Variants in KPNA4 observed in about 807,000 individuals in gnomAD.
The protein encoded by KPNA4 is karyopherin subunit alpha 4, also known as importin subunit alpha-3.
Under a neutral mutation model 71.3 loss-of-function variants are expected in KPNA4, and 13 were observed. That is an observed-to-expected ratio of 0.18 (90% CI 0.12 to 0.29). The LOEUF (loss-of-function observed/expected upper bound fraction) is 0.29, where lower values mean the gene tolerates loss of function less well. KPNA4 is among the 10% of genes least tolerant of loss of function. KPNA4 has a pLI of 1.00. For synonymous variants in KPNA4, 189 were observed against 195.2 expected, an observed-to-expected ratio of 0.97 and a Z score of 0.26; for missense variants, 334 against 603.2, an observed-to-expected ratio of 0.55 and a Z score of 4.67.
intron 1 of KPNA4, chr3:160,564,451 T>A (rs1722300216): frequency 6.6e-6 from 1 of 152,186 alleles, no homozygotes; most frequent in Non-Finnish European, 1.5e-5. Flanking sequence ...TGGTCTCCTC[T>A]CAGGAGGGGG....
Position 160,508,102 on chromosome 3 carries a change from C to A in KPNA4, c.1372+5G>T. 2 of 1,592,142 alleles carry A rather than the reference C, an allele frequency of 1.3e-6. No individual in the cohort carries two copies. Among genetic ancestry groups the A allele is most frequent in the Non-Finnish European group, 8.5e-7 (1 of 1,171,002 alleles). ...ATGTGGAATAAGAGCTTATAATAAA[C>A]TTACCTCCACATTCTTCTATAAGAT... On this transcript the variant is annotated splice_donor_5th_base_variant and intron_variant, in intron 15 of 16. Transcript: ENST00000334256.
Position 160,501,502 on chromosome 3 carries a change from CA to C in KPNA4, c.*601del, listed in dbSNP as rs1560042434. ...AAGGTGAATCAAGCTTGCATGCGTT[CA>C]CATACAGCACCACAACCACGCTCTC... On this transcript the variant is annotated 3_prime_UTR_variant, in exon 17 of 17. Transcript: ENST00000334256. The C allele has an allele frequency of 6.6e-6, 1 of 152,622 alleles. No individual in the cohort carries two copies. The highest frequency in any genetic ancestry group is 2.4e-5 in the African/African-American group (1 of 41,436). The allele number at this position is 152,622 out of a possible 1,614,324, so 9.5% of individuals were successfully genotyped here.
At chr3:160,516,636 G>C (rs1480714364) in intron 11 of KPNA4, among the ~76,000 whole-genome samples, 1 of 151,908 alleles carries the variant, frequency 6.6e-6, no homozygotes, top group African/African-American at 2.4e-5. Flanking sequence ...GCTGGGTGTG[G>C]TGGCACGAGC....
intron 1 of KPNA4, among the ~76,000 whole-genome samples, chr3:160,545,167 T>C (rs746532479): frequency 8.5e-5 from 13 of 152,392 alleles, no homozygotes; most frequent in Non-Finnish European, 1.8e-4. Flanking sequence ...GTGTTTACTT[T>C]CAAAATATTC....
intron 7 of KPNA4, 60 bp downstream of exon 7, chr3:160,530,795 T>C (rs1043657598): frequency 8.5e-7 from 1 of 1,172,520 alleles, no homozygotes; most frequent in African/African-American, 1.5e-5. Context: ...GGAAGATCAC[T>C]ATTTTTTACC....
chr3:160,537,695 ACAC>A lies in KPNA4; in HGVS notation c.70-858_70-856del, dbSNP rs1260094517. On this transcript the variant is annotated intron_variant, in intron 1 of 16. Transcript: ENST00000334256. ...CAAAACTGAACTTTTGATCTTTAAT[ACAC>A]TCCACCTGCCATCTCAGCAAATGGC... Among the ~76,000 whole-genome samples, 7 of 150,700 alleles carry A rather than the reference ACAC, an allele frequency of 4.6e-5. No homozygotes were observed. The East Asian group carries it at 1.4e-3, about 29-fold the overall frequency.
chr3:160,549,114 C>T (rs987316028), intron 1 of KPNA4, among the ~76,000 whole-genome samples: 11 of 152,242 alleles, frequency 7.2e-5, no homozygotes, highest in Middle Eastern at 3.4e-3. Context: ...AAGCCTTTTG[C>T]GCATTTTAAA....
At chr3:160,536,076 G>A (rs181023455) in intron 2 of KPNA4, among the ~76,000 whole-genome samples, 179 bp from the exon 3 acceptor site, 26 of 151,996 alleles carry the variant, frequency 1.7e-4, no homozygotes, top group Admixed American at 1.1e-3. Flanking sequence ...AACCACTCAC[G>A]CAACACTAAT....
rs1394677093 is a variant in KPNA4 at position 160,519,767 on chromosome 3, A to G, written c.903+2012T>C. 2.1e-5 allele frequency among the ~76,000 whole-genome samples: 3 copies of G among 142,262 alleles called. No individual in the cohort carries two copies. The Admixed American group carries it at 2.2e-4, about 10-fold the overall frequency. The allele number at this position is 142,262 out of a possible 152,430, so 93.3% of individuals were successfully genotyped here. Reference sequence around the variant, plus strand: ...CCGAGATTGTGCCACTGCAGTCCGCAGTCCGGCCTGGGCGACAGAGCGAGA... The same window carrying G: ...CCGAGATTGTGCCACTGCAGTCCGCGGTCCGGCCTGGGCGACAGAGCGAGA... On this transcript the variant is annotated intron_variant, in intron 11 of 16. Transcript: ENST00000334256.
At chr3:160,503,114 CAAAACAA>C (rs2108541897) in intron 16 of KPNA4, among the ~76,000 whole-genome samples, 1 of 151,318 alleles carries the variant, frequency 6.6e-6, no homozygotes, top group African/African-American at 2.4e-5. Context: ...CTGTCTCAAA[CAAAACAA>C]AACAAAACAA....
intron 16 of KPNA4, 139 bp downstream of exon 16, chr3:160,504,819 G>C (rs1720951992): frequency 2.7e-6 from 1 of 366,974 alleles, no homozygotes; most frequent in East Asian, 4.1e-5. Flanking sequence ...TTCAAAGCAG[G>C]TGACATTACT....
intron 11 of KPNA4, 61 bp downstream of exon 11, chr3:160,521,718 T>C (rs763546798): frequency 1.5e-5 from 22 of 1,460,170 alleles, no homozygotes; most frequent in Non-Finnish European, 2.0e-5. Context: ...CATCTTTGAA[T>C]GCCATGCTTA....
chr3:160,535,914 A>C lies in KPNA4; in HGVS notation c.115-17T>G, dbSNP rs1171848691. The C allele has an allele frequency of 9.1e-7, 1 of 1,101,710 alleles. No individual in the cohort carries two copies. The highest frequency in any genetic ancestry group is 3.1e-5 in the East Asian group (1 of 31,804). The allele number at this position is 1,101,710 out of a possible 1,614,324, so 68.2% of individuals were successfully genotyped here. On this transcript the variant is annotated splice_polypyrimidine_tract_variant and intron_variant, in intron 2 of 16. Coordinates refer to ENST00000334256, the MANE Select transcript of KPNA4 (RefSeq NM_002268.5). ...TCTTTTATTCTTAAAAAAAAAAAAA[A>C]AAAAAAAAAAACCAAACAGAGAATT...
At chr3:160,505,884 T>C (rs1720973780) in intron 15 of KPNA4, among the ~76,000 whole-genome samples, 1 of 152,232 alleles carries the variant, frequency 6.6e-6, no homozygotes, top group Non-Finnish European at 1.5e-5. Context: ...TGTGTAATTC[T>C]ACCAGGAAAT....
chr3:160,503,695 T>C (rs998090849), intron 16 of KPNA4, among the ~76,000 whole-genome samples: 2 of 152,204 alleles, frequency 1.3e-5, no homozygotes, highest in Non-Finnish European at 2.9e-5. Context: ...GTTGAGGTAT[T>C]AGAAATTATG....
Position 160,496,769 on chromosome 3 carries a change from T to A in KPNA4, c.*5335A>T, listed in dbSNP as rs1308036616. On this transcript the variant is annotated 3_prime_UTR_variant, in exon 17 of 17. Transcript: ENST00000334256. ...AAATAACAAGGGAGTACTGCAGTCC[T>A]CTGGTGGGAGGTAGATCATAAAGAA... 1 of 152,172 alleles carries A rather than the reference T, an allele frequency of 6.6e-6. No homozygotes were observed. Among genetic ancestry groups the A allele is most frequent in the East Asian group, 1.9e-4 (1 of 5,192 alleles). The allele number at this position is 152,172 out of a possible 1,614,324, so 9.4% of individuals were successfully genotyped here. A position where few individuals can be genotyped will look rare whatever the true frequency, so the allele number is the denominator to read the frequency against.
intron 5 of KPNA4, among the ~76,000 whole-genome samples, chr3:160,533,587 T>C (rs915742892): frequency 1.3e-5 from 2 of 152,182 alleles, no homozygotes; most frequent in Non-Finnish European, 2.9e-5. Context: ...GAAATGTCTT[T>C]TATTCTTTAC....
At chr3:160,515,611 T>G in intron 11 of KPNA4, 31 bp from the exon 12 acceptor site, 1 of 1,600,922 alleles carries the variant, frequency 6.2e-7, no homozygotes, top group Admixed American at 1.7e-5. Context: ...ACATTCTATG[T>G]GAAATCCTTT....
Position 160,501,006 on chromosome 3 carries a change from T to C in KPNA4, c.*1098A>G, listed in dbSNP as rs1577042708. On this transcript the variant is annotated 3_prime_UTR_variant, in exon 17 of 17. Transcript: ENST00000334256. ...GATTTACCTCATGCAAAGATCTTTA[T>C]GTTATCTCTGAAAATGAAAAGGATG... 6.6e-6 allele frequency: 1 copy of C among 152,592 alleles called. No homozygotes were observed. Among genetic ancestry groups the C allele is most frequent in the Non-Finnish European group, 1.5e-5 (1 of 68,034 alleles). 9.5% of individuals were successfully genotyped at this position (152,592 alleles called of 1,614,324 possible). A position where few individuals can be genotyped will look rare whatever the true frequency, so the allele number is the denominator to read the frequency against.
Sources: gnomAD v4.1 joint callset for allele counts (sites outside exome capture counted in the v4.1 genomes callset) on GRCh38, gnomAD v4.1.1 for gene constraint, MANE v1.5 for transcripts, NCBI Gene and HGNC (gene_info 2026-07-23, HGNC 2026-07-21) for gene names.